Variants in CPEB1 observed in about 807,000 individuals in gnomAD.
The protein encoded by CPEB1 is cytoplasmic polyadenylation element-binding protein 1.
CPEB1 carries 7 observed loss-of-function variants against 65.8 expected under a neutral mutation model. The ratio of observed to expected loss-of-function variants is 0.11; its 90% CI spans 0.06 to 0.20. CPEB1 has a LOEUF of 0.20. CPEB1 is among the 10% of genes least tolerant of loss of function. The pLI is 1.00. For missense variants in CPEB1, 551 were observed against 712.2 expected (o/e 0.77, Z 2.58); for synonymous variants, 262 against 260.0 (o/e 1.01, Z -0.08).
At chr15:82,574,722 C>CAAAAAAAAAAAAAAAAAAAAAA (rs534968367) in intron 3 of CPEB1, among the ~76,000 whole-genome samples, 4 of 53,504 alleles carry the variant, frequency 7.5e-5, no homozygotes, top group Admixed American at 3.2e-4. Flanking sequence ...GACTCGGTCT[C>CAAAAAAAAAAAAAAAAAAAAAA]AAAAAAAAAA....
chr15:82,610,958 C>CAAAAAAAAAAAAAAAA (rs60065545), intron 3 of CPEB1, among the ~76,000 whole-genome samples: 6 of 30,020 alleles, frequency 2.0e-4, no homozygotes, highest in South Asian at 2.3e-3. Context: ...ACTCCAGTCT[C>CAAAAAAAAAAAAAAAA]AAAAAAAAAA....
At position 82,557,775 on chromosome 15, in the gene CPEB1, A is replaced by T; in HGVS notation, c.672T>A (p.His224Gln). 6.2e-7 allele frequency: 1 copy of T among 1,613,844 alleles called. No individual in the cohort carries two copies. The change falls in exon 5 of 13, where the codon CAT (histidine) becomes CAA (glutamine). Residue 224 changes from histidine (H) to glutamine (Q), a missense_variant. Coordinates refer to ENST00000684509, the MANE Select transcript of CPEB1 (RefSeq NM_001365242.1). ...AGTTACATACAATCAAATCTGAGAG[A>T]TGATCTGATCCAGAGCTGAAGCCAC... The part of the protein sequence containing the change: ...DTSGFSSGSD[H>Q]LSDLISSLRI...
chr15:82,547,023 G>T, intron 11 of CPEB1, 120 bp downstream of exon 11: 1 of 662,376 alleles, frequency 1.5e-6, no homozygotes, highest in Non-Finnish European at 2.7e-6. Flanking sequence ...TCAGGAATTT[G>T]GCTCACTTCC....
At chr15:82,645,269 C>T (rs2047410045) in intron 1 of CPEB1, among the ~76,000 whole-genome samples, 1 of 152,192 alleles carries the variant, frequency 6.6e-6, no homozygotes, top group Non-Finnish European at 1.5e-5. Flanking sequence ...TCTCCTGCCT[C>T]AGCCTCCCAA....
chr15:82,609,557 T>C (rs952709242), intron 3 of CPEB1, among the ~76,000 whole-genome samples: 3 of 148,126 alleles, frequency 2.0e-5, no homozygotes, highest in African/African-American at 7.5e-5. Flanking sequence ...ACATTCTACC[T>C]AAAGAAACTA....
intron 4 of CPEB1, among the ~76,000 whole-genome samples, chr15:82,569,370 C>G (rs1359570825): frequency 6.6e-6 from 1 of 152,170 alleles, no homozygotes; most frequent in African/African-American, 2.4e-5. Flanking sequence ...AAAACATACC[C>G]ACACTAACCT....
At chr15:82,643,374 G>A (rs1408477032) in intron 1 of CPEB1, among the ~76,000 whole-genome samples, 1 of 152,196 alleles carries the variant, frequency 6.6e-6, no homozygotes, top group Non-Finnish European at 1.5e-5. Context: ...GCTCACACCT[G>A]TAATCCCAGC....
rs923070859 is a variant in CPEB1 at position 82,627,265 on chromosome 15, A to G, written c.199T>C (p.Leu67=). ...ANIFRRINAI[L]DNSLDFSRVC... ...CTACTGAAATCCAGAGAATTATCCA[A>G]TATGGCATTTATCCTTCGAAAGATA... Residue 67 remains leucine, a synonymous_variant, in exon 3 of 13, where the codon TTG becomes CTG. Coordinates refer to ENST00000684509, the MANE Select transcript of CPEB1 (RefSeq NM_001365242.1). 6.2e-7 allele frequency: 1 copy of G among 1,613,816 alleles called. No individual in the cohort carries two copies. The highest frequency in any genetic ancestry group is 8.5e-7 in the Non-Finnish European group (1 of 1,179,736).
At chr15:82,602,947 C>T (rs140982281) in intron 3 of CPEB1, among the ~76,000 whole-genome samples, 501 of 152,168 alleles carry the variant, frequency 3.3e-3, no homozygotes, top group African/African-American at 0.012. Context: ...ACATAAAAAC[C>T]AATGAGAACA....
At chr15:82,609,016 A>C (rs1028982672) in intron 3 of CPEB1, among the ~76,000 whole-genome samples, 2 of 152,204 alleles carry the variant, frequency 1.3e-5, no homozygotes, top group Non-Finnish European at 2.9e-5. Flanking sequence ...AAAAGAACAG[A>C]ATTAGAAGTC....
In CPEB1 at chr15:82,575,635, T is replaced by C. The variant is rs565444902; in HGVS notation, c.272-4103A>G. ...CTCAATTGTTAAAAGGCACAAAATC[T>C]GAAAAGCACTTCACAAGGATTATAT... On this transcript the variant is annotated intron_variant, in intron 3 of 12. Transcript: ENST00000684509. Among the ~76,000 whole-genome samples, 5 of 152,264 alleles carry C rather than the reference T, an allele frequency of 3.3e-5. No individual in the cohort carries two copies. The South Asian group carries it at 8.3e-4, about 25-fold the overall frequency.
At chr15:82,575,655 TTATA>T (rs1476760238) in intron 3 of CPEB1, among the ~76,000 whole-genome samples, 2 of 152,054 alleles carry the variant, frequency 1.3e-5, no homozygotes, top group African/African-American at 4.8e-5. Context: ...TTCACAAGGA[TTATA>T]TAAATGGCCA....
intron 3 of CPEB1, among the ~76,000 whole-genome samples, chr15:82,574,429 T>C (rs2040415232): frequency 6.6e-6 from 1 of 151,964 alleles, no homozygotes; most frequent in Non-Finnish European, 1.5e-5. Context: ...TTAAAGAAAA[T>C]ATTTGAGGCC....
rs3080692 is a variant in CPEB1, at chr15:82,584,903, C to CTTTTTTTTTTTTTTTTTTTTTTTTTTTT, written c.272-13372_272-13371insAAAAAAAAAAAAAAAAAAAAAAAAAAAA. Among the ~76,000 whole-genome samples, 14 of 81,742 alleles carry CTTTTTTTTTTTTTTTTTTTTTTTTTTTT rather than the reference C, an allele frequency of 1.7e-4. 1 individual carries two copies. The highest frequency in any genetic ancestry group is 1.8e-4 in the African/African-American group (3 of 16,866). The allele number at this position is 81,742 out of a possible 152,430, so 53.6% of individuals were successfully genotyped here. On this transcript the variant is annotated intron_variant, in intron 3 of 12. Coordinates refer to ENST00000684509, the MANE Select transcript of CPEB1 (RefSeq NM_001365242.1). ...GACATAATTTTTTTTTCCTAATTTGCTTTTTTTTTTTTTTTTTTTACAGTG... is the reference window on the plus strand; with the variant it reads ...GACATAATTTTTTTTTCCTAATTTGCTTTTTTTTTTTTTTTTTTTTTTTTTTTTTTTTTTTTTTTTTTTTTTTACAGTG...
At chr15:82,566,238 C>T (rs1292962394) in intron 4 of CPEB1, among the ~76,000 whole-genome samples, 1 of 152,162 alleles carries the variant, frequency 6.6e-6, no homozygotes, top group Non-Finnish European at 1.5e-5. Flanking sequence ...GAAGGAGAGA[C>T]TAGCCCCAAG....
intron 3 of CPEB1, among the ~76,000 whole-genome samples, chr15:82,586,911 T>G (rs2041850138): frequency 6.6e-6 from 1 of 152,216 alleles, no homozygotes; most frequent in Non-Finnish European, 1.5e-5. Flanking sequence ...CCAAGGGATT[T>G]TATTCATTAG....
rs916927529 is a variant in CPEB1 at position 82,584,752 on chromosome 15, T to C, written c.272-13220A>G. Among the ~76,000 whole-genome samples, 10 of 149,528 alleles carry C rather than the reference T, an allele frequency of 6.7e-5. 1 individual carries two copies. Among genetic ancestry groups the C allele is most frequent in the Non-Finnish European group, 1.3e-4 (9 of 67,588 alleles). ...TGCTATGTAGCCTTGAAAAGGGATA[T>C]AAAAAATTAACACAAAGATAAAAGA... On this transcript the variant is annotated intron_variant, in intron 3 of 12. Coordinates refer to ENST00000684509, the MANE Select transcript of CPEB1 (RefSeq NM_001365242.1).
At chr15:82,571,751 G>A (rs1038892744) in intron 3 of CPEB1, 43 of 1,371,396 alleles carry the variant, frequency 3.1e-5, no homozygotes, top group African/African-American at 4.4e-5. Flanking sequence ...CCCCTATCCC[G>A]TCTGCATTAC....
upstream of CPEB1, chr15:82,647,424 G>C (rs1311479046): frequency 6.3e-6 from 1 of 157,902 alleles, no homozygotes; most frequent in Non-Finnish European, 1.4e-5. Flanking sequence ...CGCGCGCCGG[G>C]TGCTAAAGAG....
Sources: allele counts gnomAD v4.1 joint callset (sites outside exome capture counted in the v4.1 genomes callset), GRCh38; gene constraint gnomAD v4.1.1; transcripts MANE v1.5; gene names NCBI Gene and HGNC (gene_info 2026-07-23, HGNC 2026-07-21).